Variants in CNTNAP2 observed in about 807,000 individuals in gnomAD.
The protein encoded by CNTNAP2 is contactin-associated protein-like 2.
CNTNAP2 carries 98 observed loss-of-function variants against 155.2 expected under a neutral mutation model. The observed-to-expected ratio is 0.63, with a 90% CI of 0.54 to 0.75. The LOEUF (loss-of-function observed/expected upper bound fraction) is 0.75. Among genes scored for constraint, CNTNAP2 ranks in the 30% least tolerant of loss-of-function variants. CNTNAP2 has a pLI of 0.00. For synonymous variants in CNTNAP2, 651 were observed against 631.2 expected (o/e 1.03, Z -0.47); for missense variants, 1,727 against 1,688.1 (o/e 1.02, Z -0.40).
intron 1 of CNTNAP2, among the ~76,000 whole-genome samples, chr7:146,192,100 G>A (rs4584063): frequency 0.13 from 19,696 of 152,068 alleles, 1,596 homozygotes; most frequent in Middle Eastern, 0.19. Flanking sequence ...ATTAATTTGG[G>A]GAACTAATAA....
At chr7:146,174,014 C>T (rs1380831652) in intron 1 of CNTNAP2, among the ~76,000 whole-genome samples, 1 of 151,956 alleles carries the variant, frequency 6.6e-6, no homozygotes, top group African/African-American at 2.4e-5. Context: ...CAAGACCAGC[C>T]TGGCCAACAG....
rs538041957 is a variant in CNTNAP2, at chr7:147,734,126, C to T, written c.2098+94820C>T. The stretch of plus-strand genomic sequence containing the variant: ...GAAGGGAATGCTTCCAGTTTTTGCC[C>T]ATTCAGTATGATATTGGCTGTGGGT... On this transcript the variant is annotated intron_variant, in intron 13 of 23. Transcript: ENST00000361727. Among the ~76,000 whole-genome samples, 647 of 152,244 alleles carry T rather than the reference C, an allele frequency of 4.2e-3. 3 individuals carry two copies. Among genetic ancestry groups the T allele is most frequent in the Non-Finnish European group, 7.5e-3 (509 of 68,018 alleles).
At chr7:146,631,359 T>G (rs1283375881) in intron 1 of CNTNAP2, among the ~76,000 whole-genome samples, 2 of 152,152 alleles carry the variant, frequency 1.3e-5, no homozygotes, top group Non-Finnish European at 2.9e-5. Flanking sequence ...CAAAAATAAA[T>G]TCTGCCAGAA....
intron 13 of CNTNAP2, among the ~76,000 whole-genome samples, chr7:147,866,991 A>G (rs12540453): frequency 0.19 from 29,150 of 152,006 alleles, 2,890 homozygotes; most frequent in South Asian, 0.29. Flanking sequence ...CCCTCTCATT[A>G]TTATGTTAGC....
At position 147,416,465 on chromosome 7, in the gene CNTNAP2, G is replaced by A. The variant is rs117558897; in HGVS notation, c.1670+20685G>A. Among the ~76,000 whole-genome samples the A allele has an allele frequency of 2.2e-3, 330 of 152,226 alleles. 1 individual carries two copies. The highest frequency in any genetic ancestry group is 0.014 in the Middle Eastern group (4 of 294). ...TTAGTTGGGTTTTTGGTTTACAGCC[G>A]AAACCATCAGAACCAATACAACTCC... On this transcript the variant is annotated intron_variant, in intron 10 of 23. Coordinates refer to ENST00000361727, the MANE Select transcript of CNTNAP2 (RefSeq NM_014141.6).
At chr7:146,661,117 G>A (rs1221036090) in intron 1 of CNTNAP2, among the ~76,000 whole-genome samples, 1 of 152,068 alleles carries the variant, frequency 6.6e-6, no homozygotes, top group Non-Finnish European at 1.5e-5. Flanking sequence ...TTCCACTCAC[G>A]GTTGACAGTT....
chr7:146,409,694 C>T (rs1036695476), intron 1 of CNTNAP2, among the ~76,000 whole-genome samples: 7 of 152,176 alleles, frequency 4.6e-5, no homozygotes, highest in Non-Finnish European at 1.5e-5. Flanking sequence ...CAAGATTAAT[C>T]ACTGCATCCT....
At chr7:146,878,324 T>C (rs1397012777) in intron 3 of CNTNAP2, among the ~76,000 whole-genome samples, 2 of 151,922 alleles carry the variant, frequency 1.3e-5, no homozygotes, top group Non-Finnish European at 2.9e-5. Flanking sequence ...AAAGTGATGA[T>C]GTATTATCTT....
chr7:146,869,949 G>A (rs1236359234), intron 3 of CNTNAP2, among the ~76,000 whole-genome samples: 2 of 152,170 alleles, frequency 1.3e-5, no homozygotes, highest in Non-Finnish European at 2.9e-5. Context: ...CAATGATCAA[G>A]TTGACACTTC....
intron 11 of CNTNAP2, among the ~76,000 whole-genome samples, chr7:147,550,785 A>G (rs546354726): frequency 1.3e-5 from 2 of 152,360 alleles, no homozygotes; most frequent in African/African-American, 2.4e-5. Context: ...CAGATATTAT[A>G]TAGCAGGTAA....
chr7:146,788,180 G>A (rs114342491), intron 2 of CNTNAP2, among the ~76,000 whole-genome samples: 1 of 152,160 alleles, frequency 6.6e-6, no homozygotes, highest in East Asian at 1.9e-4. Flanking sequence ...CCAAGCCGGC[G>A]CCCACCTGGA....
intron 13 of CNTNAP2, among the ~76,000 whole-genome samples, chr7:147,858,457 C>CAA (rs1490749757): frequency 6.6e-6 from 1 of 152,160 alleles, no homozygotes; most frequent in African/African-American, 2.4e-5. Flanking sequence ...TTTCTTAGAG[C>CAA]AAAAGAGCTC....
intron 3 of CNTNAP2, among the ~76,000 whole-genome samples, chr7:146,910,224 A>G (rs1041175605): frequency 3.4e-5 from 5 of 145,154 alleles, no homozygotes; most frequent in Admixed American, 1.4e-4. Context: ...AAATGGCCAT[A>G]CTGCCCAAGG....
chr7:147,454,515 G>T (rs557946218), intron 10 of CNTNAP2, among the ~76,000 whole-genome samples: 7 of 152,040 alleles, frequency 4.6e-5, no homozygotes, highest in South Asian at 4.2e-4. Flanking sequence ...TATTAATATT[G>T]CTAAGACAGT....
At chr7:148,385,177 A>T (rs996961058) in intron 22 of CNTNAP2, among the ~76,000 whole-genome samples, 5 of 152,174 alleles carry the variant, frequency 3.3e-5, no homozygotes, top group African/African-American at 9.7e-5. Context: ...CTTAGAGAGA[A>T]GCCAAAATTG....
At chr7:147,568,983 AG>A (rs1305727395) in intron 12 of CNTNAP2, among the ~76,000 whole-genome samples, 2 of 152,158 alleles carry the variant, frequency 1.3e-5, no homozygotes, top group African/African-American at 4.8e-5. Flanking sequence ...AATTTAAGCA[AG>A]CATCTGTGCT....
intron 1 of CNTNAP2, among the ~76,000 whole-genome samples, chr7:146,747,214 C>G (rs1366186311): frequency 2.0e-5 from 3 of 152,130 alleles, no homozygotes; most frequent in Non-Finnish European, 4.4e-5. Context: ...TAAATTTTCA[C>G]ATACATTATC....
intron 15 of CNTNAP2, among the ~76,000 whole-genome samples, chr7:148,090,380 A>C (rs1294599526): frequency 6.6e-6 from 1 of 152,164 alleles, no homozygotes; most frequent in African/African-American, 2.4e-5. Context: ...TAGTGTCCAA[A>C]AGGTATAAGG....
intron 13 of CNTNAP2, among the ~76,000 whole-genome samples, chr7:147,766,544 A>G (rs1437671457): frequency 6.6e-6 from 1 of 152,086 alleles, no homozygotes; most frequent in Non-Finnish European, 1.5e-5. Flanking sequence ...AGAAGGGGGT[A>G]GATATTGAGT....
Sources: gnomAD v4.1 joint callset for allele counts (sites outside exome capture counted in the v4.1 genomes callset) on GRCh38, gnomAD v4.1.1 for gene constraint, MANE v1.5 for transcripts, NCBI Gene and HGNC (gene_info 2026-07-23, HGNC 2026-07-21) for gene names.